RAP1B: variants seen among roughly 807,000 people sequenced by gnomAD.
The protein encoded by RAP1B is ras-related protein Rap-1b.
Under a neutral mutation model 27.5 loss-of-function variants are expected in RAP1B, and 1 was observed. That is an observed-to-expected ratio of 0.04 (90% CI 0.01 to 0.17). The LOEUF is 0.17. Ranked by LOEUF, RAP1B falls within the 10% of genes least tolerant of loss-of-function variation. RAP1B has a pLI of 1.00. For missense variants in RAP1B, 84 were observed against 214.8 expected, an observed-to-expected ratio of 0.39 and a Z score of 3.81; for synonymous variants, 75 against 73.1, an observed-to-expected ratio of 1.03 and a Z score of -0.13.
intron 7 of RAP1B, 132 bp from the exon 8 acceptor site, chr12:68,659,148 A>G (rs1353577391): frequency 5.1e-6 from 2 of 393,032 alleles, no homozygotes; most frequent in Non-Finnish European, 1.0e-5. Flanking sequence ...GTTGCCACTA[A>G]TGTAATGCCT....
rs1458389356 is a variant in RAP1B, at chr12:68,665,560, A to C, written c.*6311A>C. 6.6e-6 allele frequency: 1 copy of C among 152,278 alleles called. No homozygotes were observed. The highest frequency in any genetic ancestry group is 1.5e-5 in the Non-Finnish European group (1 of 68,062). The allele number at this position is 152,278 out of a possible 1,614,324, so 9.4% of individuals were successfully genotyped here. A position where few individuals can be genotyped will look rare whatever the true frequency, so the allele number is the denominator to read the frequency against. On this transcript the variant is annotated 3_prime_UTR_variant, in exon 8 of 8. Transcript: ENST00000250559. ...CAAAGACATGGGCAGAGAACAAGGC[A>C]AATAGCTGAGCAGCAATTGAGAATA...
intron 1 of RAP1B, among the ~76,000 whole-genome samples, chr12:68,618,205 G>A (rs1333936014): frequency 7.2e-6 from 1 of 139,096 alleles, no homozygotes; most frequent in Non-Finnish European, 1.5e-5. Flanking sequence ...ACCTGCCTCA[G>A]CCTCTCGAGT....
Position 68,654,163 on chromosome 12 carries a change from G to A in RAP1B, c.235G>A (p.Ala79Thr). ...ATACATGAAAAATGGACAAGGATTTGCATTAGTTTATTCCATCACAGCACA... is the reference window on the plus strand; with the variant it reads ...ATACATGAAAAATGGACAAGGATTTACATTAGTTTATTCCATCACAGCACA... ...DLYMKNGQGF[A>T]LVYSITAQST... is the part of the protein sequence containing the mutation. Residue 79 changes from alanine (A) to threonine (T), a missense_variant, in exon 5 of 8, where the codon GCA becomes ACA. Ala to Thr is a moderately conservative substitution (Grantham distance 58). Transcript: ENST00000250559. The A allele has an allele frequency of 6.3e-7, 1 of 1,598,234 alleles. No homozygotes were observed. The highest frequency in any genetic ancestry group is 8.6e-7 in the Non-Finnish European group (1 of 1,165,848).
At chr12:68,622,199 T>C (rs927755308) in intron 1 of RAP1B, among the ~76,000 whole-genome samples, 3 of 152,204 alleles carry the variant, frequency 2.0e-5, no homozygotes, top group African/African-American at 7.2e-5. Context: ...TTAAGGTCTT[T>C]TCGGGCTTTC....
At chr12:68,656,165 T>C (rs1874191132) in intron 5 of RAP1B, 141 bp from the exon 6 acceptor site, 1 of 731,088 alleles carries the variant, frequency 1.4e-6, no homozygotes, top group Admixed American at 3.2e-5. Flanking sequence ...TTGTTAAGGC[T>C]GTAAATTTTA....
chr12:68,646,638 T>G (rs1873431654), intron 1 of RAP1B, among the ~76,000 whole-genome samples: 1 of 152,224 alleles, frequency 6.6e-6, no homozygotes, highest in African/African-American at 2.4e-5. Context: ...AGGTTTCCTG[T>G]GACTATATGT....
At chr12:68,652,230 G>C (rs1873864326) in intron 4 of RAP1B, among the ~76,000 whole-genome samples, 179 bp downstream of exon 4, 1 of 152,094 alleles carries the variant, frequency 6.6e-6, no homozygotes, top group African/African-American at 2.4e-5. Context: ...TGGATCACTT[G>C]AGGTCAGGAG....
chr12:68,615,297 G>T (rs1870902420), intron 1 of RAP1B, among the ~76,000 whole-genome samples: 1 of 151,914 alleles, frequency 6.6e-6, no homozygotes, highest in Non-Finnish European at 1.5e-5. Flanking sequence ...ATGAAAATGT[G>T]GGGGAAATGT....
At chr12:68,632,763 T>A (rs1259914154) in intron 1 of RAP1B, among the ~76,000 whole-genome samples, 1 of 152,146 alleles carries the variant, frequency 6.6e-6, no homozygotes, top group Non-Finnish European at 1.5e-5. Context: ...ATAAGATACT[T>A]AACTCTCCTT....
At chr12:68,637,700 C>T (rs1016079975) in intron 1 of RAP1B, among the ~76,000 whole-genome samples, 1 of 149,690 alleles carries the variant, frequency 6.7e-6, no homozygotes, top group African/African-American at 2.5e-5. Flanking sequence ...CTCCTTATTT[C>T]CAGATTTCAT....
intron 7 of RAP1B, among the ~76,000 whole-genome samples, chr12:68,657,943 C>T (rs1024933503): frequency 3.3e-5 from 5 of 151,718 alleles, no homozygotes; most frequent in Admixed American, 1.3e-4. Context: ...CTTTTAAGTT[C>T]CAGGATACAT....
At chr12:68,643,449 TTC>T (rs1873169137) in intron 1 of RAP1B, among the ~76,000 whole-genome samples, 1 of 152,210 alleles carries the variant, frequency 6.6e-6, no homozygotes, top group African/African-American at 2.4e-5. Flanking sequence ...CATTGAGTAT[TTC>T]TTTTTCTATA....
chr12:68,659,498 C>G lies in RAP1B; in HGVS notation c.*249C>G, dbSNP rs1874478716. 9.8e-5 allele frequency: 33 copies of G among 338,024 alleles called. No individual in the cohort carries two copies. Among genetic ancestry groups the G allele is most frequent in the South Asian group, 7.3e-4 (31 of 42,410 alleles). 20.9% of individuals were successfully genotyped at this position (338,024 alleles called of 1,614,324 possible). A position where few individuals can be genotyped will look rare whatever the true frequency, so the allele number is the denominator to read the frequency against. On this transcript the variant is annotated 3_prime_UTR_variant, in exon 8 of 8. Transcript: ENST00000250559. ...CAGCTGGTAAAACCAGAGGCTACAT[C>G]CAGTATTACTGCTAAGAGACATTCT...
At chr12:68,615,836 T>G (rs1022455285) in intron 1 of RAP1B, among the ~76,000 whole-genome samples, 1 of 152,184 alleles carries the variant, frequency 6.6e-6, no homozygotes, top group African/African-American at 2.4e-5. Flanking sequence ...CTTTTAAATT[T>G]TAGCTGAATT....
Position 68,668,648 on chromosome 12 carries a change from T to A in RAP1B, c.*9399T>A, listed in dbSNP as rs576213506. 2.6e-5 allele frequency: 4 copies of A among 152,358 alleles called. No individual in the cohort carries two copies. In the South Asian group the frequency reaches 8.3e-4, roughly 32 times the overall value. 9.4% of individuals were successfully genotyped at this position (152,358 alleles called of 1,614,324 possible). On this transcript the variant is annotated 3_prime_UTR_variant, in exon 8 of 8. Transcript: ENST00000250559. Reference sequence around the variant, plus strand: ...TCCCTGCACAGACTTTCTTGGCTCTTCTTTTCTGCCGTCCTATGAATCACA... The same window carrying A: ...TCCCTGCACAGACTTTCTTGGCTCTACTTTTCTGCCGTCCTATGAATCACA...
In RAP1B at chr12:68,659,553, A is replaced by G. The variant is rs1351373398; in HGVS notation, c.*304A>G. The G allele has an allele frequency of 6.7e-6, 2 of 299,934 alleles. No homozygotes were observed. The highest frequency in any genetic ancestry group is 1.3e-5 in the Non-Finnish European group (2 of 151,468). The allele number at this position is 299,934 out of a possible 1,614,324, so 18.6% of individuals were successfully genotyped here. ...CCACCAATGTTGTACATGTATGAAAATGGTGTACTGTATACTTTAACATGC... is the reference window on the plus strand; with the variant it reads ...CCACCAATGTTGTACATGTATGAAAGTGGTGTACTGTATACTTTAACATGC... On this transcript the variant is annotated 3_prime_UTR_variant, in exon 8 of 8. Coordinates refer to ENST00000250559, the MANE Select transcript of RAP1B (RefSeq NM_001010942.3).
At chr12:68,641,729 A>G (rs1449114476) in intron 1 of RAP1B, among the ~76,000 whole-genome samples, 1 of 152,180 alleles carries the variant, frequency 6.6e-6, no homozygotes, top group Non-Finnish European at 1.5e-5. Context: ...TCAAAGATAA[A>G]TAGAAGAAAT....
chr12:68,635,964 C>T (rs546043590), intron 1 of RAP1B, among the ~76,000 whole-genome samples: 6 of 151,952 alleles, frequency 3.9e-5, no homozygotes, highest in Non-Finnish European at 7.4e-5. Flanking sequence ...CTGCAAATTC[C>T]GCCTCCTGGA....
chr12:68,626,579 C>A (rs754549927), intron 1 of RAP1B, among the ~76,000 whole-genome samples: 32 of 152,004 alleles, frequency 2.1e-4, no homozygotes, highest in Admixed American at 6.6e-5. Flanking sequence ...ATTTGAGTAG[C>A]TTATTTAAAG....
Sources: allele counts gnomAD v4.1 joint callset (sites outside exome capture counted in the v4.1 genomes callset), GRCh38; gene constraint gnomAD v4.1.1; transcripts MANE v1.5; gene names NCBI Gene and HGNC (gene_info 2026-07-23, HGNC 2026-07-21).